Variants in SQOR observed in about 807,000 individuals in gnomAD.
The protein encoded by SQOR is sulfide:quinone oxidoreductase, mitochondrial.
A neutral mutation model predicts 48.6 loss-of-function variants in SQOR; 39 were observed. That is an observed-to-expected ratio of 0.80 (90% CI 0.62 to 1.05). The LOEUF (loss-of-function observed/expected upper bound fraction) is 1.05. SQOR is among the 50% of genes least tolerant of loss of function. SQOR has a pLI of 0.00. For synonymous variants in SQOR, 220 were observed against 206.2 expected (o/e 1.07, Z -0.57); for missense variants, 561 against 559.9 (o/e 1.00, Z -0.02).
At chr15:45,641,772 T>C (rs1895108581) in intron 1 of SQOR, among the ~76,000 whole-genome samples, 1 of 152,224 alleles carries the variant, frequency 6.6e-6, no homozygotes, top group African/African-American at 2.4e-5. Flanking sequence ...GGACCTTTAC[T>C]CCACTTTGAG....
chr15:45,676,288 C>G lies in SQOR; in HGVS notation c.842C>G (p.Pro281Arg). ...GCTGTATTTGAGAACCTGGACAAAC[C>G]AGGAGAGACCCAAGTGATTTCAGTG... ...QEAVFENLDK[P>R]GETQVISYEM... Residue 281 changes from proline (P) to arginine (R), a missense_variant, in exon 6 of 10, where the codon CCA becomes CGA. Physicochemically the swap from Pro to Arg is moderately radical, Grantham distance 103. Transcript: ENST00000260324. 1.2e-6 allele frequency: 2 copies of G among 1,613,970 alleles called. No individual in the cohort carries two copies. Among genetic ancestry groups the G allele is most frequent in the East Asian group, 2.2e-5 (1 of 44,880 alleles).
At position 45,635,608 on chromosome 15, in the gene SQOR, C is replaced by G. The variant is rs371484855; in HGVS notation, c.-18+500C>G. Reference sequence around the variant, plus strand: ...GAGAGGATTTAGGGCACCTGCTGAACAGGAATTGGTGGAAAGGGAGAAGGG... The same window carrying G: ...GAGAGGATTTAGGGCACCTGCTGAAGAGGAATTGGTGGAAAGGGAGAAGGG... On this transcript the variant is annotated intron_variant, in intron 1 of 9. Transcript: ENST00000260324. 2.0e-5 allele frequency among the ~76,000 whole-genome samples: 3 copies of G among 152,180 alleles called. No individual in the cohort carries two copies. In the East Asian group the frequency reaches 5.8e-4, roughly 29 times the overall value.
intron 1 of SQOR, among the ~76,000 whole-genome samples, chr15:45,648,418 C>T (rs1052619766): frequency 2.0e-5 from 3 of 152,166 alleles, no homozygotes; most frequent in Admixed American, 6.5e-5. Flanking sequence ...CCTCGTGATC[C>T]GCCCACCTTG....
intron 1 of SQOR, among the ~76,000 whole-genome samples, chr15:45,656,739 A>G (rs900594306): frequency 3.9e-5 from 6 of 152,256 alleles, no homozygotes; most frequent in African/African-American, 1.4e-4. Flanking sequence ...TTCCTCTTAC[A>G]TAGTTGAGAG....
chr15:45,654,653 G>A (rs72715020), intron 1 of SQOR, among the ~76,000 whole-genome samples: 13,804 of 152,164 alleles, frequency 0.091, 753 homozygotes, highest in Middle Eastern at 0.21. Flanking sequence ...ATCGTGTTGC[G>A]CCAGGAAAAT....
rs537335013 is a variant in SQOR at position 45,649,823 on chromosome 15, G to A, written c.-17-9084G>A. Among the ~76,000 whole-genome samples the A allele has an allele frequency of 2.6e-5, 4 of 151,484 alleles. No individual in the cohort carries two copies. The South Asian group carries it at 6.3e-4, about 24-fold the overall frequency. On this transcript the variant is annotated intron_variant, in intron 1 of 9. Coordinates refer to ENST00000260324, the MANE Select transcript of SQOR (RefSeq NM_021199.4). ...TGCTGGGGTAAGGGGAAATGAGAAG[G>A]TGGGATATGGGCAATGCTTTTTGTT...
chr15:45,678,983 G>A (rs564981811), intron 6 of SQOR, among the ~76,000 whole-genome samples: 233 of 152,310 alleles, frequency 1.5e-3, no homozygotes, highest in African/African-American at 5.0e-3. Context: ...ATGAGTAAGA[G>A]CCCGAAGCAT....
chr15:45,634,175 G>A (rs188466226), upstream of SQOR, among the ~76,000 whole-genome samples: 917 of 65,100 alleles, frequency 0.014, 9 homozygotes, highest in African/African-American at 0.051. Context: ...GTGAGACTCT[G>A]TTTCAAAAAA....
At chr15:45,675,652 G>A (rs1890023204) in intron 5 of SQOR, among the ~76,000 whole-genome samples, 1 of 151,972 alleles carries the variant, frequency 6.6e-6, no homozygotes. Context: ...TGCCTGCCTC[G>A]GCCTCCCAAA....
At chr15:45,671,494 G>C (rs1889942365) in intron 4 of SQOR, among the ~76,000 whole-genome samples, 1 of 152,188 alleles carries the variant, frequency 6.6e-6, no homozygotes. Context: ...CTACTTGTGA[G>C]GGAGGCATTT....
intron 1 of SQOR, among the ~76,000 whole-genome samples, chr15:45,645,453 T>C (rs1334566915): frequency 1.3e-5 from 2 of 152,108 alleles, no homozygotes; most frequent in Admixed American, 6.5e-5. Context: ...TGGATGAGAG[T>C]AACATTTGAA....
intron 3 of SQOR, among the ~76,000 whole-genome samples, chr15:45,663,023 C>G (rs1889748963): frequency 6.6e-6 from 1 of 152,102 alleles, no homozygotes; most frequent in Admixed American, 6.6e-5. Context: ...TCTGCTGAGG[C>G]ATTATTTTTT....
At chr15:45,636,473 G>C (rs1895009082) in intron 1 of SQOR, among the ~76,000 whole-genome samples, 1 of 149,788 alleles carries the variant, frequency 6.7e-6, no homozygotes, top group Admixed American at 6.7e-5. Context: ...GCGCGATCTC[G>C]GTTCAATGCA....
chr15:45,634,198 C>CTATATATATATATATATATATATATA (rs60889862), upstream of SQOR, among the ~76,000 whole-genome samples: 1,135 of 43,000 alleles, frequency 0.026, 134 homozygotes, highest in Non-Finnish European at 0.035. Flanking sequence ...ACAACAACAA[C>CTATATATATATATATATATATATATA]TATATATATA....
In SQOR at chr15:45,668,960, A is replaced by G. The variant is rs149614234; in HGVS notation, c.406-968A>G. On this transcript the variant is annotated intron_variant, in intron 3 of 9. Transcript: ENST00000260324. ...AGAAGGGACTTTTTTCATCCCATACAGGTCATTAAATAAGATCAGGTACAC... is the reference window on the plus strand; with the variant it reads ...AGAAGGGACTTTTTTCATCCCATACGGGTCATTAAATAAGATCAGGTACAC... Among the ~76,000 whole-genome samples, 608 of 152,182 alleles carry G rather than the reference A, an allele frequency of 4.0e-3. 6 individuals are homozygous for G. Among genetic ancestry groups the G allele is most frequent in the African/African-American group, 0.014 (584 of 41,532 alleles).
intron 1 of SQOR, among the ~76,000 whole-genome samples, chr15:45,651,342 G>A (rs960897108): frequency 7.2e-5 from 11 of 152,234 alleles, no homozygotes; most frequent in African/African-American, 2.4e-4. Flanking sequence ...ACTCGTGCTG[G>A]CCCGCGAGCG....
At chr15:45,664,296 A>G (rs920295444) in intron 3 of SQOR, among the ~76,000 whole-genome samples, 1 of 152,054 alleles carries the variant, frequency 6.6e-6, no homozygotes, top group Non-Finnish European at 1.5e-5. Flanking sequence ...TACACTTAAT[A>G]CCTTTCTTAA....
intron 4 of SQOR, among the ~76,000 whole-genome samples, chr15:45,670,961 A>G (rs1353880274): frequency 2.0e-5 from 3 of 152,252 alleles, no homozygotes; most frequent in Admixed American, 2.0e-4. Context: ...AGGCCCCCAC[A>G]GTGTTGACCT....
At chr15:45,645,684 A>C (rs1040660743) in intron 1 of SQOR, among the ~76,000 whole-genome samples, 1 of 152,232 alleles carries the variant, frequency 6.6e-6, no homozygotes, top group African/African-American at 2.4e-5. Flanking sequence ...CTTGAGACTG[A>C]AACTGTACCA....
Sources: allele counts gnomAD v4.1 joint callset (sites outside exome capture counted in the v4.1 genomes callset), GRCh38; gene constraint gnomAD v4.1.1; transcripts MANE v1.5; gene names NCBI Gene and HGNC (gene_info 2026-07-23, HGNC 2026-07-21).